Variants in NOB1 observed in about 807,000 individuals in gnomAD.
NOB1 encodes the protein RNA-binding protein NOB1.
A neutral mutation model predicts 44.8 loss-of-function variants in NOB1; 44 were observed. The ratio of observed to expected loss-of-function variants is 0.98; its 90% CI spans 0.77 to 1.26. The LOEUF (loss-of-function observed/expected upper bound fraction) is 1.26, where lower values mean the gene tolerates loss of function less well. NOB1 is among the 50% of genes most tolerant of loss of function. The pLI is 0.00. For missense variants in NOB1, 560 were observed against 544.8 expected, an observed-to-expected ratio of 1.03 and a Z score of -0.28; for synonymous variants, 238 against 218.7, an observed-to-expected ratio of 1.09 and a Z score of -0.78.
intron 7 of NOB1, 96 bp from the exon 8 acceptor site, chr16:69,745,113 CAG>C (rs1016868524): frequency 2.3e-6 from 3 of 1,323,086 alleles, no homozygotes; most frequent in Non-Finnish European, 2.1e-6. Flanking sequence ...GGAGAAGAAA[CAG>C]GGAAGGGCTG....
At chr16:69,748,482 G>A (rs60816774) in intron 6 of NOB1, among the ~76,000 whole-genome samples, 153 bp from the exon 7 acceptor site, 9,756 of 152,144 alleles carry the variant, frequency 0.064, 1,024 homozygotes, top group African/African-American at 0.22. Flanking sequence ...ATGTGTAAAC[G>A]AGGACGAAGG....
At chr16:69,748,733 A>G in intron 6 of NOB1, 185 bp downstream of exon 6, 1 of 593,608 alleles carries the variant, frequency 1.7e-6, no homozygotes, top group Non-Finnish European at 2.9e-6. Context: ...TACTATACAA[A>G]TGTTGTCATT....
intron 2 of NOB1, among the ~76,000 whole-genome samples, chr16:69,753,788 G>C (rs1340187819): frequency 1.3e-5 from 2 of 152,120 alleles, no homozygotes; most frequent in African/African-American, 4.8e-5. Context: ...TAAGCCAAGA[G>C]ACAATTCTTT....
chr16:69,751,922 T>TA (rs1567644389), intron 3 of NOB1, among the ~76,000 whole-genome samples: 1 of 151,874 alleles, frequency 6.6e-6, no homozygotes, highest in African/African-American at 2.4e-5. Flanking sequence ...ATTAGCCGGG[T>TA]GTGGTCGTGG....
chr16:69,744,552 C>T (rs1055331224), intron 8 of NOB1, among the ~76,000 whole-genome samples: 1 of 152,164 alleles, frequency 6.6e-6, no homozygotes, highest in African/African-American at 2.4e-5. Context: ...CTGTGCTTTC[C>T]ACACCCGTTC....
At chr16:69,751,452 G>A (rs2038481948) in intron 3 of NOB1, among the ~76,000 whole-genome samples, 1 of 151,928 alleles carries the variant, frequency 6.6e-6, no homozygotes, top group East Asian at 1.9e-4. Context: ...GATCACTTGA[G>A]CCCAGGAGTT....
chr16:69,744,890 T>G lies in NOB1; in HGVS notation c.952A>C (p.Asn318His), dbSNP rs1041253548. The G allele has an allele frequency of 2.5e-6, 4 of 1,613,548 alleles. No homozygotes were observed. The highest frequency in any genetic ancestry group is 1.3e-5 in the African/African-American group (1 of 74,916). The stretch of plus-strand genomic sequence containing the variant: ...CCACTCACCCGGAGGCCGCGGGGGT[T>G]CAGCACCTTGGGGTTGCGGGAGAAG... Reference protein sequence around the residue: ...MHFSRNPKVLNPRGLRYSLPT... With the variant: ...MHFSRNPKVLHPRGLRYSLPT... The change falls in exon 8 of 9, where the codon AAC becomes CAC. Residue 318 changes from asparagine to histidine, a missense_variant. Coordinates refer to ENST00000268802, the MANE Select transcript of NOB1 (RefSeq NM_014062.3).
chr16:69,749,642 C>G lies in NOB1; in HGVS notation c.328-12G>C, dbSNP rs776646510. 9 of 1,578,866 alleles carry G rather than the reference C, an allele frequency of 5.7e-6. No individual in the cohort carries two copies. The East Asian group carries it at 2.0e-4, about 35-fold the overall frequency. Reference sequence around the variant, plus strand: ...GAGCTCACCTTAACCTTTAAAAAAACAAAAAACATATACCTCTTGTTATCA... The same window carrying G: ...GAGCTCACCTTAACCTTTAAAAAAAGAAAAAACATATACCTCTTGTTATCA... On this transcript the variant is annotated splice_polypyrimidine_tract_variant and intron_variant, in intron 3 of 8. Coordinates refer to ENST00000268802, the MANE Select transcript of NOB1 (RefSeq NM_014062.3).
chr16:69,750,253 T>C (rs780183452), intron 3 of NOB1, among the ~76,000 whole-genome samples: 12 of 151,718 alleles, frequency 7.9e-5, no homozygotes, highest in Non-Finnish European at 1.5e-4. Flanking sequence ...GATCTGCCCA[T>C]CTCAGCCTCC....
chr16:69,753,207 G>A (rs111900822), intron 2 of NOB1, among the ~76,000 whole-genome samples: 2,768 of 152,228 alleles, frequency 0.018, 81 homozygotes, highest in African/African-American at 0.059. Flanking sequence ...AGGCAACACA[G>A]CCAGACTCCA....
intron 6 of NOB1, 52 bp from the exon 7 acceptor site, chr16:69,748,381 G>T: frequency 6.5e-7 from 1 of 1,531,552 alleles, no homozygotes; most frequent in Non-Finnish European, 9.0e-7. Context: ...ATTTCATTTT[G>T]TAATTACAGT....
At chr16:69,751,447 C>T (rs2038481906) in intron 3 of NOB1, among the ~76,000 whole-genome samples, 1 of 151,908 alleles carries the variant, frequency 6.6e-6, no homozygotes, top group Non-Finnish European at 1.5e-5. Flanking sequence ...GGGAGGATCA[C>T]TTGAGCCCAG....
chr16:69,752,798 T>A (rs1318448663), intron 2 of NOB1, among the ~76,000 whole-genome samples: 2 of 151,102 alleles, frequency 1.3e-5, no homozygotes, highest in Admixed American at 6.6e-5. Flanking sequence ...CCCGGTGTGG[T>A]AGCGGGGGGG....
At chr16:69,752,127 A>C in intron 3 of NOB1, 114 bp downstream of exon 3, 1 of 938,576 alleles carries the variant, frequency 1.1e-6, no homozygotes, top group South Asian at 1.5e-5. Context: ...GCTAAGAGAT[A>C]ATTGGAGGGG....
At chr16:69,754,466 C>A (rs2038507739) in intron 2 of NOB1, 128 bp downstream of exon 2, 2 of 1,302,148 alleles carry the variant, frequency 1.5e-6, no homozygotes, top group Admixed American at 2.1e-5. Context: ...CTACCACAAT[C>A]TCCTAGAAAG....
intron 7 of NOB1, among the ~76,000 whole-genome samples, chr16:69,745,533 G>A (rs1233552568): frequency 2.4e-4 from 37 of 152,168 alleles, no homozygotes; most frequent in Admixed American, 2.3e-3. Flanking sequence ...GTGTTAACTC[G>A]GGAGCAGCTC....
At chr16:69,749,680 T>C in intron 3 of NOB1, 50 bp from the exon 4 acceptor site, 5 of 1,448,478 alleles carry the variant, frequency 3.5e-6, no homozygotes, top group South Asian at 2.5e-5. Flanking sequence ...ATTAAAGATA[T>C]CCAGTTTTTT....
intron 2 of NOB1, among the ~76,000 whole-genome samples, chr16:69,753,622 G>A (rs1343591114): frequency 6.6e-6 from 1 of 152,150 alleles, no homozygotes; most frequent in Non-Finnish European, 1.5e-5. Flanking sequence ...AAAGATCACA[G>A]AGCTACTAAG....
Position 69,754,853 on chromosome 16 carries a change from G to A in NOB1, c.58C>T (p.Leu20=). Residue 20 remains leucine (L), a synonymous_variant, in exon 1 of 9, where the codon CTG becomes TTG. Transcript: ENST00000268802. The part of the protein sequence containing the change: ...DAGAFLRHAA[L]QDIGKNIYTI... ...CCGGAGGGAGCTCCCCGTACCTGCA[G>A]AGCCGCATGCCGCAGGAAAGCCCCA... 1 of 1,600,536 alleles carries A rather than the reference G, an allele frequency of 6.2e-7. No individual in the cohort carries two copies. Among genetic ancestry groups the A allele is most frequent in the Non-Finnish European group, 8.5e-7 (1 of 1,174,522 alleles).
Sources: gnomAD v4.1 joint callset for allele counts (sites outside exome capture counted in the v4.1 genomes callset) on GRCh38, gnomAD v4.1.1 for gene constraint, MANE v1.5 for transcripts, NCBI Gene and HGNC (gene_info 2026-07-23, HGNC 2026-07-21) for gene names.